The following NPAT variants were observed in gnomAD, a reference collection of about 807,000 sequenced individuals.
NPAT encodes the protein nuclear protein, coactivator of histone transcription.
Under a neutral mutation model 130.7 loss-of-function variants are expected in NPAT, and 52 were observed. That is an observed-to-expected ratio of 0.40 (90% CI 0.32 to 0.50). The LOEUF (loss-of-function observed/expected upper bound fraction) is 0.50, where lower values mean the gene tolerates loss of function less well. Ranked by LOEUF, NPAT falls within the 20% of genes least tolerant of loss-of-function variation. NPAT has a pLI of 0.68. For missense variants in NPAT, 1,687 were observed against 1,662.6 expected (o/e 1.01, Z -0.26); for synonymous variants, 580 against 584.8 (o/e 0.99, Z 0.12).
Position 108,186,383 on chromosome 11 carries a change from CTTTA to C in NPAT, c.726+95_726+98del. 7 of 876,514 alleles carry C rather than the reference CTTTA, an allele frequency of 8.0e-6. No individual in the cohort carries two copies. The South Asian group carries it at 8.5e-5, about 11-fold the overall frequency. 54.3% of individuals were successfully genotyped at this position (876,514 alleles called of 1,614,324 possible). A position where few individuals can be genotyped will look rare whatever the true frequency, so the allele number is the denominator to read the frequency against. ...GATATCTATAAACTTACTCCTGTTT[CTTTA>C]TTTGATACATACACACATACATACA... On this transcript the variant is annotated intron_variant, in intron 8 of 17. Coordinates refer to ENST00000278612, the MANE Select transcript of NPAT (RefSeq NM_002519.3).
At chr11:108,194,307 AC>A in intron 2 of NPAT, among the ~76,000 whole-genome samples, 1 of 152,200 alleles carries the variant, frequency 6.6e-6, no homozygotes, top group South Asian at 2.1e-4. Context: ...ATGCATATAC[AC>A]AAGCATTTGT....
chr11:108,176,640 G>T (rs775938519), intron 11 of NPAT, among the ~76,000 whole-genome samples: 60 of 152,122 alleles, frequency 3.9e-4, no homozygotes, highest in Middle Eastern at 3.2e-3. Flanking sequence ...TATACTTTGA[G>T]AACTACTGCA....
intron 10 of NPAT, among the ~76,000 whole-genome samples, chr11:108,183,149 TA>T (rs200039518): frequency 1.3e-5 from 2 of 151,534 alleles, no homozygotes; most frequent in Admixed American, 6.6e-5. Flanking sequence ...CCTGGCTAAT[TA>T]AAAAAAAAAT....
chr11:108,158,815 T>C lies in NPAT; in HGVS notation c.*127A>G. On this transcript the variant is annotated 3_prime_UTR_variant, in exon 18 of 18. Transcript: ENST00000278612. ...TTTCAGAAACAGCATGATTTAGATA[T>C]AAAGTGAAGTTTCAGTACAATGAAA... is the stretch of plus-strand genomic sequence containing the variant. 1 of 646,014 alleles carries C rather than the reference T, an allele frequency of 1.5e-6. No individual in the cohort carries two copies. 40.0% of individuals were successfully genotyped at this position (646,014 alleles called of 1,614,324 possible). A position where few individuals can be genotyped will look rare whatever the true frequency, so the allele number is the denominator to read the frequency against.
intron 1 of NPAT, among the ~76,000 whole-genome samples, chr11:108,217,309 T>C (rs796432630): frequency 9.2e-5 from 14 of 152,326 alleles, no homozygotes; most frequent in African/African-American, 3.4e-4. Flanking sequence ...GGGTAAGTAA[T>C]TATCTTGTTT....
chr11:108,172,862 AAC>A lies in NPAT; in HGVS notation c.2120_2121del (p.Cys707PhefsTer9). 6.2e-7 allele frequency: 1 copy of A among 1,614,084 alleles called. No individual in the cohort carries two copies. The highest frequency in any genetic ancestry group is 8.5e-7 in the Non-Finnish European group (1 of 1,180,028). Reference protein sequence around the residue: ...NSHSLPPESVCSSVGDSHPES... With the variant: ...NSHSLPPESVXSSVGDSHPES... ...TCAGGGTGAGAATCTCCCACTGAAGAACACACAGATTCTGGAGGAAGAGAGTG... is the reference window on the plus strand; with the variant it reads ...TCAGGGTGAGAATCTCCCACTGAAGAACACAGATTCTGGAGGAAGAGAGTG... On this transcript the variant is annotated frameshift_variant, in exon 13 of 18. Coordinates refer to ENST00000278612, the MANE Select transcript of NPAT (RefSeq NM_002519.3). LOFTEE classifies it high-confidence loss of function.
At chr11:108,221,730 C>T (rs1565333626) in intron 1 of NPAT, among the ~76,000 whole-genome samples, 1 of 152,134 alleles carries the variant, frequency 6.6e-6, no homozygotes, top group East Asian at 1.9e-4. Flanking sequence ...GGCTCTCGTC[C>T]CCTGTAGTAC....
chr11:108,177,228 C>A, intron 10 of NPAT, 138 bp from the exon 11 acceptor site: 1 of 364,698 alleles, frequency 2.7e-6, no homozygotes, highest in South Asian at 6.5e-5. Context: ...CACTGTAGCT[C>A]ACTATAACCT....
rs1283658945 is a variant in NPAT, at chr11:108,161,380, T to C, written c.3706A>G (p.Lys1236Glu). 7 of 1,614,096 alleles carry C rather than the reference T, an allele frequency of 4.3e-6. No individual in the cohort carries two copies. Among genetic ancestry groups the C allele is most frequent in the Non-Finnish European group, 5.9e-6 (7 of 1,180,048 alleles). The part of the protein sequence containing the change: ...AVKDLKQEQT[K>E]SASSLITTEM... Reference sequence around the variant, plus strand: ...GTGGTAATCAAAGAACTGGCGGATTTAGTTTGTTCTTGTTTTAGATCCTTC... The same window carrying C: ...GTGGTAATCAAAGAACTGGCGGATTCAGTTTGTTCTTGTTTTAGATCCTTC... The change falls in exon 17 of 18, where the codon AAA (lysine) becomes GAA (glutamate). Residue 1236 changes from lysine to glutamate, a missense_variant. Lys to Glu is a moderately conservative substitution (Grantham distance 56). Transcript: ENST00000278612.
chr11:108,196,198 C>T (rs1384439386), intron 2 of NPAT, among the ~76,000 whole-genome samples: 1 of 152,100 alleles, frequency 6.6e-6, no homozygotes, highest in African/African-American at 2.4e-5. Context: ...TCTGAGTGTT[C>T]CAGCAACATT....
At position 108,172,428 on chromosome 11, in the gene NPAT, C is replaced by A. The variant is rs1052196249; in HGVS notation, c.2556G>T (p.Leu852Phe). 6.2e-7 allele frequency: 1 copy of A among 1,614,184 alleles called. No individual in the cohort carries two copies. Among genetic ancestry groups the A allele is most frequent in the Non-Finnish European group, 8.5e-7 (1 of 1,180,026 alleles). The change falls in exon 13 of 18, where the codon TTG becomes TTT. Residue 852 changes from leucine (L) to phenylalanine (F), a missense_variant. This residue lies in a region of NPAT where 1,379 missense variants were observed against 1,346.6 expected (regional missense o/e 1.02). Coordinates refer to ENST00000278612, the MANE Select transcript of NPAT (RefSeq NM_002519.3). ...CVSKDGGYIQ[L>F]MPATSTAFGN... ...CAAAAGCTGTGCTTGTGGCTGGCAT[C>A]AACTGTATATATCCTCCATCCTTGG...
At position 108,190,484 on chromosome 11, in the gene NPAT, G is replaced by C. The variant is rs780439297; in HGVS notation, c.307C>G (p.Pro103Ala). Residue 103 changes from proline to alanine, a missense_variant, in exon 5 of 18, where the codon CCA becomes GCA. Pro to Ala is a conservative substitution (Grantham distance 27). Transcript: ENST00000278612. The part of the protein sequence containing the change: ...LSQIRSMQSS[P>A]RFAGSQRART... ...CCTCTCTGACTGCCAGCAAACCTTG[G>C]GGAACTTTGCATGCTCCTAACAAAG... 6.8e-6 allele frequency: 11 copies of C among 1,613,776 alleles called. No individual in the cohort carries two copies. In the South Asian group the frequency reaches 7.7e-5, roughly 11 times the overall value.
chr11:108,180,356 A>C (rs2078047912), intron 10 of NPAT, among the ~76,000 whole-genome samples: 1 of 152,214 alleles, frequency 6.6e-6, no homozygotes, highest in South Asian at 2.1e-4. Context: ...ATAATATATA[A>C]GAATTCCTAT....
Position 108,207,792 on chromosome 11 carries a change from C to G in NPAT, c.38-10372G>C, listed in dbSNP as rs572146244. ...TGCAGCTGCACCTGGGAGGGCAGGG[C>G]TCCTGCCCATCCAACTTGGAAGGGG... is the stretch of plus-strand genomic sequence containing the variant. On this transcript the variant is annotated intron_variant, in intron 1 of 17. Transcript: ENST00000278612. Among the ~76,000 whole-genome samples, 11 of 152,294 alleles carry G rather than the reference C, an allele frequency of 7.2e-5. No individual in the cohort carries two copies. In the East Asian group the frequency reaches 2.1e-3, roughly 29 times the overall value.
rs905047784 is a variant in NPAT, at chr11:108,222,527, G to C, written c.10C>G (p.Pro4Ala). The part of the protein sequence containing the change: MLL[P>A]SDVARLVLGY... ...AATACAAGCCGGGCTACGTCCGAGG[G>C]TAACAACATGATCAAAACCACAGCA... Residue 4 changes from proline to alanine, a missense_variant, in exon 1 of 18, where the codon CCC becomes GCC. By Grantham distance (27) the Pro-to-Ala change is conservative. Transcript: ENST00000278612. 6.2e-7 allele frequency: 1 copy of C among 1,613,872 alleles called. No homozygotes were observed. The highest frequency in any genetic ancestry group is 8.5e-7 in the Non-Finnish European group (1 of 1,179,922).
chr11:108,173,238 A>G lies in NPAT; in HGVS notation c.1746T>C (p.Ile582=). ...SSEVHKSKIE[I]NVLEPVMSQL... ...GTGACATAACTGGTTCTAACACATT[A>G]ATTTCTATTTTACTCTTGTGAACTT... Residue 582 remains isoleucine (I), a synonymous_variant, in exon 13 of 18, where the codon ATT becomes ATC. Transcript: ENST00000278612. 6.2e-7 allele frequency: 1 copy of G among 1,612,970 alleles called. No homozygotes were observed. Among genetic ancestry groups the G allele is most frequent in the Non-Finnish European group, 8.5e-7 (1 of 1,179,350 alleles).
chr11:108,180,802 A>G (rs1591395965), intron 10 of NPAT, among the ~76,000 whole-genome samples: 1 of 152,258 alleles, frequency 6.6e-6, no homozygotes, highest in African/African-American at 2.4e-5. Flanking sequence ...CTAAATGTCC[A>G]TTGATACATG....
At chr11:108,170,110 T>C (rs1319661231) in intron 13 of NPAT, 67 bp from the exon 14 acceptor site, 16 of 1,030,104 alleles carry the variant, frequency 1.6e-5, no homozygotes, top group Non-Finnish European at 2.4e-5. Context: ...CAAACAAATG[T>C]TTGGCACAAA....
chr11:108,222,238 G>A (rs2078522306), intron 1 of NPAT, among the ~76,000 whole-genome samples: 1 of 152,082 alleles, frequency 6.6e-6, no homozygotes, highest in Admixed American at 6.5e-5. Flanking sequence ...CTTTCCTTCC[G>A]AATCCGCCCC....
Sources: gnomAD v4.1 joint callset for allele counts (sites outside exome capture counted in the v4.1 genomes callset) on GRCh38, gnomAD v4.1.1 for gene constraint, gnomAD v4.1.1 regional missense constraint, MANE v1.5 for transcripts, NCBI Gene and HGNC (gene_info 2026-07-23, HGNC 2026-07-21) for gene names.